Variants in ASTN2 observed in about 807,000 individuals in gnomAD.
ASTN2 encodes astrotactin-2.
In ASTN2, 54 loss-of-function variants were observed where a neutral mutation model predicts 139.8. The observed-to-expected ratio is 0.39, with a 90% CI of 0.31 to 0.48. The LOEUF is 0.48. ASTN2 is among the 20% of genes least tolerant of loss of function. The pLI is 0.95. For missense variants in ASTN2, 1,565 were observed against 1,725.1 expected (o/e 0.91, Z 1.64); for synonymous variants, 756 against 719.5 (o/e 1.05, Z -0.81).
intron 10 of ASTN2, among the ~76,000 whole-genome samples, chr9:116,916,733 G>T (rs78015559): frequency 0.023 from 3,520 of 152,242 alleles, 63 homozygotes; most frequent in Non-Finnish European, 0.038. Flanking sequence ...CCAGCTACTT[G>T]GGAGGCTGAG....
intron 19 of ASTN2, among the ~76,000 whole-genome samples, chr9:116,559,063 A>G (rs1338388115): frequency 1.3e-5 from 2 of 151,770 alleles, no homozygotes; most frequent in African/African-American, 4.8e-5. Flanking sequence ...TTCTTACCCG[A>G]CTCTACTTTA....
intron 16 of ASTN2, among the ~76,000 whole-genome samples, chr9:116,685,540 T>G (rs911681197): frequency 3.9e-5 from 6 of 152,180 alleles, no homozygotes; most frequent in Non-Finnish European, 8.8e-5. Flanking sequence ...ATCTGTTACA[T>G]TAAAATGCTG....
Position 116,783,186 on chromosome 9 carries a change from T to C in ASTN2, c.2396+22446A>G, listed in dbSNP as rs560230004. ...GGTTAAAATTTTAGTCAGTGTAGCA[T>C]ATTTTTTGAATGAATGAATGTATAA... On this transcript the variant is annotated intron_variant, in intron 13 of 22. Transcript: ENST00000313400. Among the ~76,000 whole-genome samples, 10 of 152,304 alleles carry C rather than the reference T, an allele frequency of 6.6e-5. No individual in the cohort carries two copies. In the South Asian group the frequency reaches 1.2e-3, roughly 19 times the overall value.
chr9:116,875,220 G>A (rs895196224), intron 10 of ASTN2, among the ~76,000 whole-genome samples: 1 of 152,154 alleles, frequency 6.6e-6, no homozygotes, highest in African/African-American at 2.4e-5. Context: ...AGTTCTTAAA[G>A]GAAATTAGAA....
intron 1 of ASTN2, among the ~76,000 whole-genome samples, chr9:117,385,322 G>A (rs1487155025): frequency 6.6e-6 from 1 of 152,080 alleles, no homozygotes. Flanking sequence ...CACCTACTGG[G>A]AACCATAACT....
At chr9:116,956,677 C>G (rs189629218) in intron 10 of ASTN2, among the ~76,000 whole-genome samples, 2 of 151,698 alleles carry the variant, frequency 1.3e-5, no homozygotes, top group African/African-American at 4.8e-5. Context: ...CCCCAAGGAA[C>G]ATACATACAT....
chr9:116,767,408 C>T lies in ASTN2; in HGVS notation c.2397-33885G>A, dbSNP rs116242240. Among the ~76,000 whole-genome samples, 1,067 of 152,246 alleles carry T rather than the reference C, an allele frequency of 7.0e-3. 9 individuals are homozygous for T. The highest frequency in any genetic ancestry group is 0.024 in the African/African-American group (1,015 of 41,524). On this transcript the variant is annotated intron_variant, in intron 13 of 22. Coordinates refer to ENST00000313400, the MANE Select transcript of ASTN2 (RefSeq NM_001365068.1). Reference sequence around the variant, plus strand: ...GCATGCCACCCAGAGACAGGCTTGGCGGATGCACTGTAAGACACATTCCGC... The same window carrying T: ...GCATGCCACCCAGAGACAGGCTTGGTGGATGCACTGTAAGACACATTCCGC...
intron 1 of ASTN2, among the ~76,000 whole-genome samples, chr9:117,331,476 G>T (rs2130849563): frequency 6.6e-6 from 1 of 152,182 alleles, no homozygotes; most frequent in South Asian, 2.1e-4. Flanking sequence ...ATTAAATTGG[G>T]CTCCGAGGGT....
intron 1 of ASTN2, among the ~76,000 whole-genome samples, chr9:117,326,716 C>G (rs546382878): frequency 6.6e-5 from 10 of 152,226 alleles, no homozygotes; most frequent in African/African-American, 2.4e-4. Flanking sequence ...TGTGGAAAGG[C>G]AGACCCATAA....
intron 19 of ASTN2, among the ~76,000 whole-genome samples, chr9:116,606,643 TA>T (rs1224339458): frequency 6.6e-6 from 1 of 151,858 alleles, no homozygotes; most frequent in Non-Finnish European, 1.5e-5. Context: ...AAACAAGTCT[TA>T]AACCTTATTT....
rs147732202 is a variant in ASTN2 at position 116,845,426 on chromosome 9, G to A, written c.2040+18157C>T. On this transcript the variant is annotated intron_variant, in intron 11 of 22. Coordinates refer to ENST00000313400, the MANE Select transcript of ASTN2 (RefSeq NM_001365068.1). ...GGAGGCACCAAGAAGTAGAAAATGTGAGAGTTCCCGACTTCAGGAAGAATC... is the reference window on the plus strand; with the variant it reads ...GGAGGCACCAAGAAGTAGAAAATGTAAGAGTTCCCGACTTCAGGAAGAATC... Among the ~76,000 whole-genome samples, 920 of 152,298 alleles carry A rather than the reference G, an allele frequency of 6.0e-3. 8 individuals are homozygous for A. The highest frequency in any genetic ancestry group is 0.021 in the African/African-American group (865 of 41,550).
chr9:116,643,308 C>T (rs1857429471), intron 17 of ASTN2, among the ~76,000 whole-genome samples: 2 of 152,102 alleles, frequency 1.3e-5, no homozygotes, highest in Admixed American at 6.6e-5. Flanking sequence ...TAGTCTAGAC[C>T]GGGGTTTGGC....
chr9:116,769,332 G>T (rs892660409), intron 13 of ASTN2, among the ~76,000 whole-genome samples: 2 of 152,192 alleles, frequency 1.3e-5, no homozygotes, highest in Non-Finnish European at 2.9e-5. Flanking sequence ...GAGAAGCAGT[G>T]ACTGTGAGTG....
chr9:116,600,786 A>G (rs2131757578), intron 19 of ASTN2, among the ~76,000 whole-genome samples: 1 of 152,060 alleles, frequency 6.6e-6, no homozygotes, highest in South Asian at 2.1e-4. Context: ...CTCCAGCCCC[A>G]CTGTCCTTTT....
chr9:116,845,527 G>A (rs1832402802), intron 11 of ASTN2, among the ~76,000 whole-genome samples: 1 of 152,104 alleles, frequency 6.6e-6, no homozygotes, highest in African/African-American at 2.4e-5. Context: ...GATAAAAAAT[G>A]TGCCAAACAA....
chr9:117,349,049 C>A (rs943211958), intron 1 of ASTN2, among the ~76,000 whole-genome samples: 27 of 152,150 alleles, frequency 1.8e-4, no homozygotes. Flanking sequence ...ATAGAGAGAG[C>A]TAGGCAAGGG....
intron 20 of ASTN2, among the ~76,000 whole-genome samples, chr9:116,449,600 G>T (rs931675370): frequency 1.3e-5 from 2 of 152,186 alleles, no homozygotes; most frequent in Non-Finnish European, 1.5e-5. Flanking sequence ...CCCCGCCCCA[G>T]TTCTTTGACA....
intron 5 of ASTN2, among the ~76,000 whole-genome samples, chr9:117,056,192 T>C (rs1035726576): frequency 6.6e-6 from 1 of 152,266 alleles, no homozygotes; most frequent in Non-Finnish European, 1.5e-5. Context: ...ATATTGTGCC[T>C]GATCCCTGCC....
chr9:116,717,442 A>G (rs1828343008), intron 16 of ASTN2, among the ~76,000 whole-genome samples: 1 of 152,086 alleles, frequency 6.6e-6, no homozygotes, highest in South Asian at 2.1e-4. Flanking sequence ...TAGACTAGTG[A>G]GTGTCAAGCT....
Sources: allele counts gnomAD v4.1 joint callset (sites outside exome capture counted in the v4.1 genomes callset), GRCh38; gene constraint gnomAD v4.1.1; transcripts MANE v1.5; gene names NCBI Gene and HGNC (gene_info 2026-07-23, HGNC 2026-07-21).